The following CHPF2 variants were observed in gnomAD, a reference collection of about 807,000 sequenced individuals.
CHPF2 encodes chondroitin polymerizing factor 2, also known as chondroitin polymerizing factor 2, non-catalytic subunit.
CHPF2 carries 58 observed loss-of-function variants against 63.0 expected under a neutral mutation model. That is an observed-to-expected ratio of 0.92 (90% CI 0.75 to 1.15). CHPF2 has a LOEUF of 1.15. Ranked by LOEUF, CHPF2 falls within the 50% of genes most tolerant of loss-of-function variation. The pLI is 0.00. For synonymous variants in CHPF2, 442 were observed against 438.0 expected (o/e 1.01, Z -0.11); for missense variants, 1,045 against 1,035.4 (o/e 1.01, Z -0.13).
Position 151,238,282 on chromosome 7 carries a change from G to A in CHPF2, c.1920G>A (p.Pro640=), listed in dbSNP as rs1329150905. ...LSPQRSPPGP[P]GAGPDPPSPP... is the part of the protein sequence containing the mutation. ...CACAGAGATCACCCCCAGGGCCCCC[G>A]GGGGCTGGCCCTGACCCCCCCTCCC... The change falls in exon 4 of 4, where the codon CCG becomes CCA. Residue 640 remains proline (P), a synonymous_variant. Coordinates refer to ENST00000035307, the MANE Select transcript of CHPF2 (RefSeq NM_019015.3). The A allele has an allele frequency of 5.3e-5, 85 of 1,609,346 alleles. No homozygotes were observed. The highest frequency in any genetic ancestry group is 6.5e-5 in the Non-Finnish European group (77 of 1,177,636).
intron 2 of CHPF2, among the ~76,000 whole-genome samples, 197 bp downstream of exon 2, chr7:151,235,809 A>C (rs547093833): frequency 5.3e-5 from 8 of 152,302 alleles, no homozygotes; most frequent in African/African-American, 1.9e-4. Flanking sequence ...AGGAACCCCT[A>C]AGCAAGACCA....
chr7:151,236,644 A>C lies in CHPF2; in HGVS notation c.1011+54A>C. The C allele has an allele frequency of 2.7e-6, 4 of 1,455,894 alleles. No individual in the cohort carries two copies. In the South Asian group the frequency reaches 5.4e-5, roughly 20 times the overall value. 90.2% of individuals were successfully genotyped at this position (1,455,894 alleles called of 1,614,324 possible). A position where few individuals can be genotyped will look rare whatever the true frequency, so the allele number is the denominator to read the frequency against. Reference sequence around the variant, plus strand: ...GGACCGCAGTCAGAGGGTCAGAGAGAGCCTGAGATGTCCAGGCGTGCAATG... The same window carrying C: ...GGACCGCAGTCAGAGGGTCAGAGAGCGCCTGAGATGTCCAGGCGTGCAATG... On this transcript the variant is annotated intron_variant, in intron 3 of 3. Coordinates refer to ENST00000035307, the MANE Select transcript of CHPF2 (RefSeq NM_019015.3).
Position 151,236,478 on chromosome 7 carries a change from T to A in CHPF2, c.899T>A (p.Leu300Gln), listed in dbSNP as rs1802652383. 1 of 1,609,848 alleles carries A rather than the reference T, an allele frequency of 6.2e-7. No individual in the cohort carries two copies. The highest frequency in any genetic ancestry group is 2.2e-5 in the East Asian group (1 of 44,692). Residue 300 changes from leucine to glutamine, a missense_variant, in exon 3 of 4, where the codon CTG (leucine) becomes CAG (glutamine). Physicochemically the swap from Leu to Gln is moderately radical, Grantham distance 113 (BLOSUM62 -2). Coordinates refer to ENST00000035307, the MANE Select transcript of CHPF2 (RefSeq NM_019015.3). ...GAGAAGGAAGGGAGCTCGGCTTTCC[T>A]GAGTGCCTTCGCCGTGCACCCTGTC... is the stretch of plus-strand genomic sequence containing the variant. ...DPEKEGSSAF[L>Q]SAFAVHPVSE...
rs772214514 is a variant in CHPF2, at chr7:151,237,449, C to G, written c.1087C>G (p.Pro363Ala). ...GAGCTGGCCCGTTGGGCTCCCTGCT[C>G]CTTTCACACCACACTCTCGCTTTGA... The part of the protein sequence containing the change: ...GLSWPVGLPA[P>A]FTPHSRFEVL... The change falls in exon 4 of 4, where the codon CCT (proline) becomes GCT (alanine). Residue 363 changes from proline to alanine, a missense_variant. Pro to Ala is a conservative substitution (Grantham distance 27). Coordinates refer to ENST00000035307, the MANE Select transcript of CHPF2 (RefSeq NM_019015.3). 1.9e-6 allele frequency: 3 copies of G among 1,613,618 alleles called. No individual in the cohort carries two copies. In the African/African-American group the frequency reaches 4.0e-5, roughly 22 times the overall value.
Position 151,236,418 on chromosome 7 carries a change from A to G in CHPF2, c.839A>G (p.Tyr280Cys), listed in dbSNP as rs769556289. 2 of 1,582,952 alleles carry G rather than the reference A, an allele frequency of 1.3e-6. No homozygotes were observed. The highest frequency in any genetic ancestry group is 2.3e-5 in the South Asian group (2 of 88,770). The change falls in exon 3 of 4, where the codon TAT (tyrosine) becomes TGT (cysteine). Residue 280 changes from tyrosine (Y) to cysteine (C), a missense_variant. By Grantham distance (194) the Tyr-to-Cys change is radical. Transcript: ENST00000035307. ...TGATTGTCCCTCTAGGGGCAGCAGT[A>G]TCGCTCATTTGAACTGGCCAAAAAT... ...GCVSQHQGQQ[Y>C]RSFELAKNRD...
At position 151,232,805 on chromosome 7, in the gene CHPF2, T is replaced by A; in HGVS notation, c.-1207T>A. On this transcript the variant is annotated 5_prime_UTR_variant, in exon 1 of 4. Coordinates refer to ENST00000035307, the MANE Select transcript of CHPF2 (RefSeq NM_019015.3). The stretch of plus-strand genomic sequence containing the variant: ...CGGCCTCCGCTCCCGCCGACTGGCC[T>A]GAGAACGAGGTCTGTGCCCCAGTCT... 1 of 1,500,196 alleles carries A rather than the reference T, an allele frequency of 6.7e-7. No homozygotes were observed. The highest frequency in any genetic ancestry group is 8.8e-7 in the Non-Finnish European group (1 of 1,131,344). 92.9% of individuals were successfully genotyped at this position (1,500,196 alleles called of 1,614,324 possible).
chr7:151,232,576 G>A lies in CHPF2; in HGVS notation c.-1436G>A. 1.8e-6 allele frequency: 1 copy of A among 562,642 alleles called. No individual in the cohort carries two copies. Among genetic ancestry groups the A allele is most frequent in the East Asian group, 3.5e-5 (1 of 28,560 alleles). 34.9% of individuals were successfully genotyped at this position (562,642 alleles called of 1,614,324 possible). A position where few individuals can be genotyped will look rare whatever the true frequency, so the allele number is the denominator to read the frequency against. On this transcript the variant is annotated 5_prime_UTR_variant, in exon 1 of 4. Transcript: ENST00000035307. Reference sequence around the variant, plus strand: ...CACTGGGGTCTGTTCCCCCTTCCCCGTCCCTGCTCCCTGCCAGGCGCGTGC... The same window carrying A: ...CACTGGGGTCTGTTCCCCCTTCCCCATCCCTGCTCCCTGCCAGGCGCGTGC...
intron 3 of CHPF2, 191 bp from the exon 4 acceptor site, chr7:151,237,183 T>G (rs1802687504): frequency 1.6e-6 from 1 of 613,200 alleles, no homozygotes; most frequent in Non-Finnish European, 2.9e-6. Flanking sequence ...GTGAGTATGA[T>G]TCCTATTCCA....
chr7:151,238,276 G>T lies in CHPF2; in HGVS notation c.1914G>T (p.Gly638=). ...PALSPQRSPP[G]PPGAGPDPPS... is the part of the protein sequence containing the mutation. ...TGTCACCACAGAGATCACCCCCAGG[G>T]CCCCCGGGGGCTGGCCCTGACCCCC... The change falls in exon 4 of 4, where the codon GGG becomes GGT. Residue 638 remains glycine (G), a synonymous_variant. Coordinates refer to ENST00000035307, the MANE Select transcript of CHPF2 (RefSeq NM_019015.3). 1 of 1,611,578 alleles carries T rather than the reference G, an allele frequency of 6.2e-7. No homozygotes were observed. Among genetic ancestry groups the T allele is most frequent in the Non-Finnish European group, 8.5e-7 (1 of 1,179,184 alleles).
rs1802518027 is a variant in CHPF2, at chr7:151,233,041, G to A, written c.-971G>A. The A allele has an allele frequency of 2.4e-6, 3 of 1,257,630 alleles. No individual in the cohort carries two copies. The highest frequency in any genetic ancestry group is 3.1e-5 in the African/African-American group (2 of 64,448). 77.9% of individuals were successfully genotyped at this position (1,257,630 alleles called of 1,614,324 possible). A position where few individuals can be genotyped will look rare whatever the true frequency, so the allele number is the denominator to read the frequency against. ...TGGGCCCCCGGCAGGGGTCCTGTCG[G>A]AAGCTGGCCGCGCTTCTGTTTGCGT... On this transcript the variant is annotated 5_prime_UTR_variant, in exon 1 of 4. Coordinates refer to ENST00000035307, the MANE Select transcript of CHPF2 (RefSeq NM_019015.3).
At chr7:151,234,955 C>T (rs896138270) in intron 1 of CHPF2, 93 bp from the exon 2 acceptor site, 2 of 995,608 alleles carry the variant, frequency 2.0e-6, no homozygotes, top group African/African-American at 1.6e-5. Context: ...CCTTCTCAGC[C>T]CCAACTCACT....
Position 151,238,276 on chromosome 7 carries a change from G to GC in CHPF2, c.1919dup (p.Ala642GlyfsTer4). ...TGTCACCACAGAGATCACCCCCAGG[G>GC]CCCCCGGGGGCTGGCCCTGACCCCC... On this transcript the variant is annotated frameshift_variant, in exon 4 of 4. Transcript: ENST00000035307. LOFTEE classifies it high-confidence loss of function. 1 of 1,611,578 alleles carries GC rather than the reference G, an allele frequency of 6.2e-7. No homozygotes were observed. Among genetic ancestry groups the GC allele is most frequent in the South Asian group, 1.1e-5 (1 of 91,056 alleles).
intron 3 of CHPF2, 178 bp from the exon 4 acceptor site, chr7:151,237,196 T>A: frequency 1.6e-6 from 1 of 611,796 alleles, no homozygotes; most frequent in East Asian, 2.7e-5. Flanking sequence ...CTATTCCATC[T>A]GCATTTTAGA....
rs763868595 is a variant in CHPF2 at position 151,234,046 on chromosome 7, C to A, written c.35C>A (p.Pro12Gln). 6.4e-6 allele frequency: 10 copies of A among 1,553,494 alleles called. No homozygotes were observed. In the East Asian group the frequency reaches 2.4e-4, roughly 37 times the overall value. ...AGCTCCCTGTTGGCTCTGCTGCGGC[C>A]AGCGCTTCCCCTCATCTTAGGGCTG... ...RLSSLLALLR[P>Q]ALPLILGLSL... The change falls in exon 1 of 4, where the codon CCA becomes CAA. Residue 12 changes from proline to glutamine, a missense_variant. Coordinates refer to ENST00000035307, the MANE Select transcript of CHPF2 (RefSeq NM_019015.3).
rs1235200250 is a variant in CHPF2 at position 151,232,610 on chromosome 7, G to A, written c.-1402G>A. The A allele has an allele frequency of 2.9e-6, 2 of 689,406 alleles. No individual in the cohort carries two copies. The highest frequency in any genetic ancestry group is 4.5e-6 in the Non-Finnish European group (2 of 444,654). The allele number at this position is 689,406 out of a possible 1,614,324, so 42.7% of individuals were successfully genotyped here. A position where few individuals can be genotyped will look rare whatever the true frequency, so the allele number is the denominator to read the frequency against. ...CCCTGCCAGGCGCGTGCGGGACGCC[G>A]CTCTTGGTCCCCACGCCTCCGCCCC... On this transcript the variant is annotated 5_prime_UTR_variant, in exon 1 of 4. Transcript: ENST00000035307.
chr7:151,237,446 GCTC>G lies in CHPF2; in HGVS notation c.1087_1089del (p.Pro363del), dbSNP rs1490163968. The G allele has an allele frequency of 6.2e-7, 1 of 1,613,620 alleles. No homozygotes were observed. Among genetic ancestry groups the G allele is most frequent in the East Asian group, 2.2e-5 (1 of 44,878 alleles). ...GCTGAGCTGGCCCGTTGGGCTCCCT[GCTC>G]CTTTCACACCACACTCTCGCTTTGA... On this transcript the variant is annotated inframe_deletion, in exon 4 of 4. Coordinates refer to ENST00000035307, the MANE Select transcript of CHPF2 (RefSeq NM_019015.3).
rs764343464 is a variant in CHPF2, at chr7:151,238,371, C to A, written c.2009C>A (p.Ala670Glu). ...GGGAGATTTGACCGGCAGGCTTCTG[C>A]GGAGGGCTGCTTCTACAACGCTGAC... ...IGGRFDRQASAEGCFYNADYL... is the reference protein window; with the variant it reads ...IGGRFDRQASEEGCFYNADYL... Residue 670 changes from alanine to glutamate, a missense_variant, in exon 4 of 4, where the codon GCG (alanine) becomes GAG (glutamate). By Grantham distance (107) the Ala-to-Glu change is moderately radical. Transcript: ENST00000035307. 1 of 1,607,458 alleles carries A rather than the reference C, an allele frequency of 6.2e-7. No homozygotes were observed. Among genetic ancestry groups the A allele is most frequent in the South Asian group, 1.1e-5 (1 of 90,468 alleles).
rs373288948 is a variant in CHPF2 at position 151,235,148 on chromosome 7, C to T, written c.364C>T (p.Arg122Cys). The T allele has an allele frequency of 9.3e-6, 15 of 1,612,932 alleles. No homozygotes were observed. The highest frequency in any genetic ancestry group is 2.2e-5 in the East Asian group (1 of 44,874). Residue 122 changes from arginine to cysteine, a missense_variant, in exon 2 of 4, where the codon CGT (arginine) becomes TGT (cysteine). By Grantham distance (180) the Arg-to-Cys change is radical. Coordinates refer to ENST00000035307, the MANE Select transcript of CHPF2 (RefSeq NM_019015.3). The part of the protein sequence containing the change: ...TLSTLAVAVN[R>C]TVAHHFPRLL... ...GTCCACTTTGGCCGTGGCTGTGAACCGTACGGTGGCCCATCACTTCCCTCG... is the reference window on the plus strand; with the variant it reads ...GTCCACTTTGGCCGTGGCTGTGAACTGTACGGTGGCCCATCACTTCCCTCG...
intron 1 of CHPF2, 91 bp from the exon 2 acceptor site, chr7:151,234,957 C>G (rs561478625): frequency 9.8e-6 from 10 of 1,019,998 alleles, no homozygotes; most frequent in Non-Finnish European, 1.3e-5. Context: ...TTCTCAGCCC[C>G]AACTCACTCC....
Sources: gnomAD v4.1 joint callset for allele counts (sites outside exome capture counted in the v4.1 genomes callset) on GRCh38, gnomAD v4.1.1 for gene constraint, MANE v1.5 for transcripts, NCBI Gene and HGNC (gene_info 2026-07-23, HGNC 2026-07-21) for gene names.